Variants in SEMA3C observed in about 807,000 individuals in gnomAD.
SEMA3C encodes semaphorin 3C, also known as semaphorin-3C.
Under a neutral mutation model 89.4 loss-of-function variants are expected in SEMA3C, and 47 were observed. That is an observed-to-expected ratio of 0.53 (90% CI 0.42 to 0.67). The LOEUF (loss-of-function observed/expected upper bound fraction) is 0.67, where lower values mean the gene tolerates loss of function less well. Among genes scored for constraint, SEMA3C ranks in the 30% least tolerant of loss-of-function variants. The pLI is 0.00. For synonymous variants in SEMA3C, 310 were observed against 320.2 expected (o/e 0.97, Z 0.34); for missense variants, 839 against 929.1 (o/e 0.90, Z 1.26).
chr7:80,804,168 T>A lies in SEMA3C; in HGVS notation c.739A>T (p.Lys247Ter). 1 of 1,613,206 alleles carries A rather than the reference T, an allele frequency of 6.2e-7. No individual in the cohort carries two copies. Among genetic ancestry groups the A allele is most frequent in the Non-Finnish European group, 8.5e-7 (1 of 1,179,374 alleles). ...GTGCTCCTGTTATTGTCAGTCAGTT[T>A]TTCTTTGAAGAAGAAGTACACCTTA... ...DAKVYFFFKEKLTDNNRSTKQ... is the reference protein window; with the variant it reads ...DAKVYFFFKE The change falls in exon 8 of 18, where the codon AAA becomes TAA. Residue 247 changes from lysine to a stop codon, truncating the protein, a stop_gained. Transcript: ENST00000265361. LOFTEE classifies it high-confidence loss of function.
chr7:80,916,600 CTT>C, intron 2 of SEMA3C, 77 bp downstream of exon 2: 1 of 1,321,144 alleles, frequency 7.6e-7, no homozygotes, highest in East Asian at 2.5e-5. Context: ...TATTTATACT[CTT>C]AATTTCTGAA....
chr7:80,881,736 T>G (rs1255892543), intron 2 of SEMA3C, among the ~76,000 whole-genome samples: 1 of 152,184 alleles, frequency 6.6e-6, no homozygotes, highest in South Asian at 2.1e-4. Flanking sequence ...AGATTCATAT[T>G]GTTCCTTATG....
chr7:80,902,655 G>A (rs182531156), intron 2 of SEMA3C, among the ~76,000 whole-genome samples: 131 of 152,150 alleles, frequency 8.6e-4, no homozygotes, highest in African/African-American at 2.9e-3. Flanking sequence ...AACACATGTC[G>A]TCATGATATC....
intron 14 of SEMA3C, among the ~76,000 whole-genome samples, chr7:80,759,608 A>T (rs1562862358): frequency 6.6e-6 from 1 of 152,212 alleles, no homozygotes; most frequent in Non-Finnish European, 1.5e-5. Flanking sequence ...TCTGGCTCAC[A>T]AGTTGCTCAA....
At chr7:80,880,526 G>A (rs1791309245) in intron 2 of SEMA3C, among the ~76,000 whole-genome samples, 1 of 152,130 alleles carries the variant, frequency 6.6e-6, no homozygotes, top group South Asian at 2.1e-4. Context: ...AATACATGTT[G>A]GACAATTTAC....
chr7:80,865,380 A>G (rs1377689746), intron 2 of SEMA3C, among the ~76,000 whole-genome samples: 2 of 152,192 alleles, frequency 1.3e-5, no homozygotes, highest in African/African-American at 4.8e-5. Context: ...GTACTGGCCT[A>G]TTAAACTACT....
chr7:80,812,568 G>A (rs1266140687), intron 5 of SEMA3C, among the ~76,000 whole-genome samples: 4 of 152,144 alleles, frequency 2.6e-5, no homozygotes, highest in Non-Finnish European at 5.9e-5. Flanking sequence ...TGGTAAGGTT[G>A]TTTAGGTACC....
At chr7:80,863,856 C>CATAT (rs1790847833) in intron 2 of SEMA3C, among the ~76,000 whole-genome samples, 1 of 136,742 alleles carries the variant, frequency 7.3e-6, no homozygotes, top group African/African-American at 2.9e-5. Context: ...ATATCACATA[C>CATAT]ATATGTATCA....
intron 2 of SEMA3C, among the ~76,000 whole-genome samples, chr7:80,887,539 G>T (rs1476317324): frequency 1.3e-5 from 2 of 152,178 alleles, no homozygotes; most frequent in East Asian, 3.9e-4. Context: ...AGCATTGGTA[G>T]TATGTCTAAC....
chr7:80,893,076 GA>G (rs1432666737), intron 2 of SEMA3C, among the ~76,000 whole-genome samples: 2 of 152,140 alleles, frequency 1.3e-5, no homozygotes, highest in Non-Finnish European at 2.9e-5. Context: ...ACGAAAGGTG[GA>G]AAATGTGAAG....
chr7:80,785,810 G>A (rs1788788323), intron 12 of SEMA3C, among the ~76,000 whole-genome samples: 1 of 152,168 alleles, frequency 6.6e-6, no homozygotes, highest in Admixed American at 6.5e-5. Flanking sequence ...GTTTCTCCAT[G>A]CTGGTCAGGC....
chr7:80,758,945 TAGTA>T (rs534012285), intron 14 of SEMA3C, among the ~76,000 whole-genome samples: 263 of 152,306 alleles, frequency 1.7e-3, no homozygotes, highest in Non-Finnish European at 3.2e-3. Context: ...AAATGGTAAA[TAGTA>T]AGTACTGGAT....
chr7:80,752,076 T>C (rs982972993), intron 15 of SEMA3C, among the ~76,000 whole-genome samples: 6 of 152,198 alleles, frequency 3.9e-5, no homozygotes, highest in Admixed American at 1.3e-4. Context: ...AAGTTACAGA[T>C]ACAATAATGC....
chr7:80,866,092 T>G lies in SEMA3C; in HGVS notation c.104-37347A>C, dbSNP rs1370628970. On this transcript the variant is annotated intron_variant, in intron 2 of 17. Coordinates refer to ENST00000265361, the MANE Select transcript of SEMA3C (RefSeq NM_006379.5). The stretch of plus-strand genomic sequence containing the variant: ...AATATTGGAATGATATGACTTGTCT[T>G]ATTAGAGCAGGATAAAGATCCAACA... 2.0e-5 allele frequency among the ~76,000 whole-genome samples: 3 copies of G among 152,336 alleles called. No homozygotes were observed. In the East Asian group the frequency reaches 5.8e-4, roughly 29 times the overall value.
rs920134298 is a variant in SEMA3C, at chr7:80,799,726, T to C, written c.986+1031A>G. Among the ~76,000 whole-genome samples the C allele has an allele frequency of 2.0e-5, 3 of 151,902 alleles. No individual in the cohort carries two copies. The East Asian group carries it at 5.8e-4, about 29-fold the overall frequency. ...AAAATTAGCTGGGTCTGGTGGCACA[T>C]GCCTGTAATCCCAGCTACTTAGGCG... is the stretch of plus-strand genomic sequence containing the variant. On this transcript the variant is annotated intron_variant, in intron 10 of 17. Transcript: ENST00000265361.
intron 11 of SEMA3C, chr7:80,793,506 A>T (rs761322877): frequency 1.8e-5 from 8 of 449,594 alleles, no homozygotes; most frequent in South Asian, 1.3e-4. Context: ...AGTAAGAAAG[A>T]TAGACATATT....
At chr7:80,815,575 T>TAAAAAAAAAAA (rs1789585531) in intron 5 of SEMA3C, among the ~76,000 whole-genome samples, 66 of 81,954 alleles carry the variant, frequency 8.1e-4, no homozygotes, top group East Asian at 4.9e-3. Flanking sequence ...AAAAAAAAAG[T>TAAAAAAAAAAA]AAATGTAGAG....
intron 2 of SEMA3C, among the ~76,000 whole-genome samples, chr7:80,836,832 C>T (rs1045615699): frequency 6.6e-6 from 1 of 152,122 alleles, no homozygotes; most frequent in African/African-American, 2.4e-5. Flanking sequence ...CCCCAGACAG[C>T]CCCAGATTGT....
chr7:80,920,894 G>A (rs1291135050), upstream of SEMA3C, among the ~76,000 whole-genome samples: 2 of 152,026 alleles, frequency 1.3e-5, no homozygotes, highest in Non-Finnish European at 2.9e-5. Flanking sequence ...TATCTCATTC[G>A]GCATTTATAT....
Sources: allele counts gnomAD v4.1 joint callset (sites outside exome capture counted in the v4.1 genomes callset), GRCh38; gene constraint gnomAD v4.1.1; transcripts MANE v1.5; gene names NCBI Gene and HGNC (gene_info 2026-07-23, HGNC 2026-07-21).